ROS1: variants seen among roughly 807,000 people sequenced by gnomAD.
ROS1 encodes the protein ROS proto-oncogene 1, receptor tyrosine kinase.
A neutral mutation model predicts 273.5 loss-of-function variants in ROS1; 263 were observed. That is an observed-to-expected ratio of 0.96 (90% CI 0.87 to 1.06). The LOEUF is 1.06. Among genes scored for constraint, ROS1 ranks in the 50% least tolerant of loss-of-function variants. The pLI, the probability that ROS1 is intolerant of heterozygous loss-of-function variation, is 0.00. For synonymous variants in ROS1, 1,008 were observed against 954.1 expected, an observed-to-expected ratio of 1.06 and a Z score of -1.04; for missense variants, 2,833 against 2,751.1, an observed-to-expected ratio of 1.03 and a Z score of -0.67.
chr6:117,412,901 T>A (rs985929953), intron 4 of ROS1, among the ~76,000 whole-genome samples: 5 of 152,194 alleles, frequency 3.3e-5, no homozygotes, highest in Non-Finnish European at 7.4e-5. Flanking sequence ...TCCTAGGGAC[T>A]ATTCTTTGGG....
chr6:117,329,135 T>A (rs1776863738), intron 33 of ROS1, among the ~76,000 whole-genome samples, 194 bp downstream of exon 33: 1 of 152,246 alleles, frequency 6.6e-6, no homozygotes, highest in Non-Finnish European at 1.5e-5. Context: ...AATGACGTGA[T>A]CTGTTTATAA....
At chr6:117,310,036 G>A (rs758884115) in intron 41 of ROS1, 45 bp downstream of exon 41, 1 of 1,509,604 alleles carries the variant, frequency 6.6e-7, no homozygotes, top group Non-Finnish European at 9.2e-7. Flanking sequence ...CCCCTCTAAT[G>A]TTTGATGATT....
intron 39 of ROS1, among the ~76,000 whole-genome samples, chr6:117,313,526 T>C (rs1246440093): frequency 6.7e-6 from 1 of 150,124 alleles, no homozygotes; most frequent in Non-Finnish European, 1.5e-5. Context: ...TGAGCCAAGA[T>C]CACGCCACTG....
chr6:117,293,350 T>G (rs1264255004), intron 43 of ROS1, among the ~76,000 whole-genome samples: 2 of 152,224 alleles, frequency 1.3e-5, no homozygotes, highest in Non-Finnish European at 2.9e-5. Flanking sequence ...CTACAGAATC[T>G]ACAGCCCATG....
At chr6:117,367,773 G>C (rs1347540093) in intron 18 of ROS1, among the ~76,000 whole-genome samples, 1 of 152,084 alleles carries the variant, frequency 6.6e-6, no homozygotes, top group African/African-American at 2.4e-5. Flanking sequence ...ATCTGCATCT[G>C]GGTGAAGCTG....
At chr6:117,405,390 C>T (rs3798390) in intron 5 of ROS1, among the ~76,000 whole-genome samples, 81,325 of 151,988 alleles carry the variant, frequency 0.54, 22,443 homozygotes, top group African/African-American at 0.67. Flanking sequence ...TTTTTATAGT[C>T]CATTTTTGAC....
At chr6:117,409,166 T>A (rs1308559427) in intron 5 of ROS1, among the ~76,000 whole-genome samples, 3 of 151,812 alleles carry the variant, frequency 2.0e-5, no homozygotes, top group Non-Finnish European at 2.9e-5. Context: ...TATACATATG[T>A]AACAAACCTG....
At chr6:117,392,121 T>C (rs1020362250) in intron 12 of ROS1, among the ~76,000 whole-genome samples, 15 of 152,186 alleles carry the variant, frequency 9.9e-5, no homozygotes, top group African/African-American at 3.4e-4. Context: ...TTACATTTCA[T>C]AGGACCGTAG....
chr6:117,314,108 C>G (rs1172739498), intron 39 of ROS1, among the ~76,000 whole-genome samples: 1 of 151,994 alleles, frequency 6.6e-6, no homozygotes, highest in African/African-American at 2.4e-5. Flanking sequence ...TTCATACCCC[C>G]AGCCCCACCA....
chr6:117,377,127 T>C (rs1219712605), intron 18 of ROS1, among the ~76,000 whole-genome samples: 1 of 152,120 alleles, frequency 6.6e-6, no homozygotes, highest in African/African-American at 2.4e-5. Flanking sequence ...TTATTATTAT[T>C]TTGACAGAGT....
At chr6:117,369,638 C>T (rs577005460) in intron 18 of ROS1, among the ~76,000 whole-genome samples, 2 of 152,140 alleles carry the variant, frequency 1.3e-5, no homozygotes, top group South Asian at 4.1e-4. Context: ...GGACTATGAT[C>T]CTTCAGGACA....
intron 43 of ROS1, chr6:117,299,747 T>C (rs1397292016): frequency 6.6e-6 from 1 of 152,234 alleles, no homozygotes; most frequent in Non-Finnish European, 1.5e-5. Flanking sequence ...CAAGAAGTTC[T>C]AGATAAGCTG....
At chr6:117,341,087 T>C (rs774465381) in intron 31 of ROS1, 48 bp downstream of exon 31, 22 of 1,286,396 alleles carry the variant, frequency 1.7e-5, no homozygotes, top group Non-Finnish European at 2.2e-5. Context: ...AAAAGCCCTT[T>C]CCAATTTATT....
intron 32 of ROS1, among the ~76,000 whole-genome samples, chr6:117,336,721 T>G (rs1322458127): frequency 6.6e-6 from 1 of 152,104 alleles, no homozygotes; most frequent in Non-Finnish European, 1.5e-5. Context: ...AATGGTATTT[T>G]TGGTTCTAGA....
At chr6:117,367,162 G>A (rs1384159423) in intron 18 of ROS1, among the ~76,000 whole-genome samples, 3 of 152,086 alleles carry the variant, frequency 2.0e-5, no homozygotes, top group African/African-American at 7.2e-5. Context: ...GCCTATAGAT[G>A]TGAAGTTAGC....
chr6:117,421,722 C>T (rs753817480), intron 1 of ROS1, among the ~76,000 whole-genome samples: 1 of 152,108 alleles, frequency 6.6e-6, no homozygotes, highest in Non-Finnish European at 1.5e-5. Flanking sequence ...ATTCATCTTA[C>T]ATGCTTTTAT....
chr6:117,344,119 C>T lies in ROS1; in HGVS notation c.4447G>A (p.Val1483Ile), dbSNP rs1562294207. ...CTGTCATTAACTTCTGCATAATAAA[C>T]CAGGTATGTTGGAGTAGGGCTGGTG... ...GITSPTPTYL[V>I]YYAEVNDRKN... Residue 1483 changes from valine (V) to isoleucine (I), a missense_variant, in exon 28 of 44, where the codon GTT becomes ATT. Coordinates refer to ENST00000368507, the MANE Select transcript of ROS1 (RefSeq NM_001378902.1). 2 of 1,613,812 alleles carry T rather than the reference C, an allele frequency of 1.2e-6. No individual in the cohort carries two copies. Among genetic ancestry groups the T allele is most frequent in the Non-Finnish European group, 1.7e-6 (2 of 1,179,928 alleles).
At chr6:117,293,774 A>G (rs945786320) in intron 43 of ROS1, among the ~76,000 whole-genome samples, 8 of 152,170 alleles carry the variant, frequency 5.3e-5, no homozygotes, top group African/African-American at 1.9e-4. Flanking sequence ...GTGTTAATTA[A>G]TAAAGTCTAT....
At chr6:117,424,698 G>A (rs1255754209) in intron 1 of ROS1, among the ~76,000 whole-genome samples, 1 of 152,068 alleles carries the variant, frequency 6.6e-6, no homozygotes, top group Non-Finnish European at 1.5e-5. Context: ...TAAATCAAAA[G>A]TGTATAAGTG....
Sources: allele counts gnomAD v4.1 joint callset (sites outside exome capture counted in the v4.1 genomes callset), GRCh38; gene constraint gnomAD v4.1.1; transcripts MANE v1.5; gene names NCBI Gene and HGNC (gene_info 2026-07-23, HGNC 2026-07-21).